OTUD7B: variants seen among roughly 807,000 people sequenced by gnomAD.
OTUD7B encodes OTU domain-containing protein 7B.
A neutral mutation model predicts 82.2 loss-of-function variants in OTUD7B; 34 were observed. The ratio of observed to expected loss-of-function variants is 0.41; its 90% CI spans 0.31 to 0.55. OTUD7B has a LOEUF of 0.55. Ranked by LOEUF, OTUD7B falls within the 20% of genes least tolerant of loss-of-function variation. The probability of loss-of-function intolerance (pLI) is 0.20; values close to 1 mark genes in which losing one functional copy is unlikely to be tolerated. For missense variants in OTUD7B, 944 were observed against 1,062.1 expected (o/e 0.89, Z 1.55); for synonymous variants, 398 against 402.7 (o/e 0.99, Z 0.14).
At chr1:150,024,605 GAAC>G in the OTUD7B span, among the ~76,000 whole-genome samples, 3 of 152,168 alleles carry the variant, frequency 2.0e-5, no homozygotes, top group Non-Finnish European at 4.4e-5. Flanking sequence ...AGATATTGGA[GAAC>G]AAATGCCTCA....
At position 149,976,606 on chromosome 1, in the gene OTUD7B, C is replaced by T. The variant is rs587610810; in HGVS notation, c.85+820G>A. Reference sequence around the variant, plus strand: ...AGCCTGGGCAACAACAGCAAAACTCCGTCTACAAAAAAAAAAAAAAAAAAA... The same window carrying T: ...AGCCTGGGCAACAACAGCAAAACTCTGTCTACAAAAAAAAAAAAAAAAAAA... On this transcript the variant is annotated intron_variant, in intron 2 of 11. Coordinates refer to ENST00000581312, the MANE Select transcript of OTUD7B (RefSeq NM_020205.4). Among the ~76,000 whole-genome samples the T allele has an allele frequency of 8.9e-3, 124 of 13,934 alleles. 1 individual carries two copies. Among genetic ancestry groups the T allele is most frequent in the African/African-American group, 0.014 (37 of 2,676 alleles). 9.1% of individuals were successfully genotyped at this position (13,934 alleles called of 152,430 possible).
chr1:149,943,677 GC>G lies in OTUD7B; in HGVS notation c.*179del. ...AGTACAGCCCCTGAGGTGCCATCCA[GC>G]CCCGACCTGCTCTTGCCAGCCTGGC... is the stretch of plus-strand genomic sequence containing the variant. On this transcript the variant is annotated 3_prime_UTR_variant, in exon 12 of 12. Coordinates refer to ENST00000581312, the MANE Select transcript of OTUD7B (RefSeq NM_020205.4). 1 of 651,300 alleles carries G rather than the reference GC, an allele frequency of 1.5e-6. No individual in the cohort carries two copies. The highest frequency in any genetic ancestry group is 2.7e-6 in the Non-Finnish European group (1 of 372,802). 40.3% of individuals were successfully genotyped at this position (651,300 alleles called of 1,614,324 possible).
At chr1:150,049,533 G>T in the OTUD7B span, among the ~76,000 whole-genome samples, 1 of 151,890 alleles carries the variant, frequency 6.6e-6, no homozygotes, top group African/African-American at 2.4e-5. Context: ...ATGGATTCCG[G>T]TGTTCACATC....
intron 1 of OTUD7B, among the ~76,000 whole-genome samples, chr1:149,984,090 T>C (rs1650971753): frequency 6.6e-6 from 1 of 152,186 alleles, no homozygotes; most frequent in African/African-American, 2.4e-5. Context: ...TCAGCCACCT[T>C]GCTTTTATTG....
intron 1 of OTUD7B, among the ~76,000 whole-genome samples, chr1:149,995,385 C>T (rs1299502293): frequency 6.6e-6 from 1 of 152,068 alleles, no homozygotes; most frequent in Non-Finnish European, 1.5e-5. Context: ...TAGAGACTAG[C>T]CTGGCCAACA....
At chr1:150,016,446 CTTTTTCTT>C in the OTUD7B span, among the ~76,000 whole-genome samples, 1 of 130,062 alleles carries the variant, frequency 7.7e-6, no homozygotes. Context: ...TTTCTCTTTT[CTTTTTCTT>C]TTTTTTTTTT....
chr1:149,994,606 A>AAAAAC (rs1447768451), intron 1 of OTUD7B, among the ~76,000 whole-genome samples: 13 of 96,728 alleles, frequency 1.3e-4, no homozygotes, highest in Admixed American at 2.5e-4. Flanking sequence ...AAAAAAAAAA[A>AAAAAC]CCCAATTTTT....
At position 149,999,784 on chromosome 1, in the gene OTUD7B, A is replaced by AC. The variant is rs587773552; in HGVS notation, c.-67+10663dup. ...GTGTCTTAATTCTTCACATGCGACTACCTTCATGTAAATATCAATATTAAT... is the reference window on the plus strand; with the variant it reads ...GTGTCTTAATTCTTCACATGCGACTACCCTTCATGTAAATATCAATATTAAT... On this transcript the variant is annotated intron_variant, in intron 1 of 11. Transcript: ENST00000581312. Among the ~76,000 whole-genome samples the AC allele has an allele frequency of 3.5e-4, 54 of 152,324 alleles. No homozygotes were observed. The East Asian group carries it at 9.5e-3, about 27-fold the overall frequency.
At chr1:150,037,848 C>T in the OTUD7B span, among the ~76,000 whole-genome samples, 19 of 151,736 alleles carry the variant, frequency 1.3e-4, no homozygotes, top group African/African-American at 2.7e-4. Flanking sequence ...ATCTAACAAA[C>T]GAATATATTT....
At chr1:149,954,419 C>T (rs1035406440) in intron 7 of OTUD7B, among the ~76,000 whole-genome samples, 3 of 152,082 alleles carry the variant, frequency 2.0e-5, no homozygotes, top group African/African-American at 7.2e-5. Context: ...GGGGGATAAG[C>T]TTTTTGATGT....
intron 7 of OTUD7B, among the ~76,000 whole-genome samples, chr1:149,953,033 C>T (rs1307513484): frequency 1.3e-5 from 2 of 152,166 alleles, no homozygotes; most frequent in Non-Finnish European, 2.9e-5. Context: ...TTTTGCTGTG[C>T]AGAAGCTCTT....
chr1:149,958,408 A>C (rs1648878711), intron 7 of OTUD7B, among the ~76,000 whole-genome samples: 1 of 133,506 alleles, frequency 7.5e-6, no homozygotes, highest in Admixed American at 9.0e-5. Flanking sequence ...GCTGACTACA[A>C]CCTCTGCTTC....
chr1:149,984,143 A>G (rs1269353917), intron 1 of OTUD7B, among the ~76,000 whole-genome samples: 1 of 152,072 alleles, frequency 6.6e-6, no homozygotes, highest in Non-Finnish European at 1.5e-5. Flanking sequence ...CAATCTTCTG[A>G]GCTACTATCC....
chr1:149,967,111 C>T (rs180772264), intron 4 of OTUD7B, among the ~76,000 whole-genome samples, 183 bp downstream of exon 4: 3 of 152,224 alleles, frequency 2.0e-5, no homozygotes, highest in Admixed American at 6.5e-5. Flanking sequence ...CAGGAAATTC[C>T]CAGAGTAAAG....
chr1:149,992,465 G>GTCTT (rs1651639050), intron 1 of OTUD7B, among the ~76,000 whole-genome samples: 1 of 45,946 alleles, frequency 2.2e-5, no homozygotes, highest in Non-Finnish European at 5.0e-5. Flanking sequence ...TTGTGTGCAT[G>GTCTT]TGTTTTTTTT....
the OTUD7B span, among the ~76,000 whole-genome samples, chr1:150,042,740 A>G: frequency 6.6e-6 from 1 of 152,130 alleles, no homozygotes; most frequent in Non-Finnish European, 1.5e-5. Context: ...TAAGGAATTT[A>G]GAGATCTTTC....
intron 1 of OTUD7B, among the ~76,000 whole-genome samples, chr1:149,997,119 C>T (rs1328344056): frequency 6.6e-6 from 1 of 152,106 alleles, no homozygotes; most frequent in Non-Finnish European, 1.5e-5. Context: ...CAGTCCCTTA[C>T]GGTAGGTGCA....
At chr1:149,991,764 G>A (rs587753215) in intron 1 of OTUD7B, among the ~76,000 whole-genome samples, 4 of 152,208 alleles carry the variant, frequency 2.6e-5, no homozygotes, top group South Asian at 2.1e-4. Context: ...TGTACCACTA[G>A]CCCTCAATTT....
chr1:150,007,871 T>C (rs1355104655), intron 1 of OTUD7B, among the ~76,000 whole-genome samples: 3 of 152,330 alleles, frequency 2.0e-5, no homozygotes, highest in Non-Finnish European at 2.9e-5. Flanking sequence ...ATAGGAAAGA[T>C]ACTGCTGAGG....
Sources: allele counts gnomAD v4.1 joint callset (sites outside exome capture counted in the v4.1 genomes callset), GRCh38; gene constraint gnomAD v4.1.1; transcripts MANE v1.5; gene names NCBI Gene and HGNC (gene_info 2026-07-23, HGNC 2026-07-21).